Variants in SLC25A43 observed in about 807,000 individuals in gnomAD.
The protein encoded by SLC25A43 is solute carrier family 25 member 43, also known as solute carrier family 25, member 43.
In SLC25A43, 10 loss-of-function variants were observed where a neutral mutation model predicts 22.8. The observed-to-expected ratio is 0.44, with a 90% CI of 0.27 to 0.74. The LOEUF (loss-of-function observed/expected upper bound fraction) is 0.74, where lower values mean the gene tolerates loss of function less well. SLC25A43 is among the 30% of genes least tolerant of loss of function. The pLI is 0.17. For synonymous variants in SLC25A43, 106 were observed against 121.6 expected, an observed-to-expected ratio of 0.87 and a Z score of 0.84; for missense variants, 233 against 279.1, an observed-to-expected ratio of 0.83 and a Z score of 1.18.
At chrX:119,415,957 G>A (rs1222637292) in intron 3 of SLC25A43, among the ~76,000 whole-genome samples, 2 of 97,896 alleles carry the variant, frequency 2.0e-5, no homozygotes, top group Non-Finnish European at 4.0e-5. Context: ...GCGGTGAGCC[G>A]TATTTGTGCC....
chrX:119,415,672 G>A (rs1171621177), intron 3 of SLC25A43, among the ~76,000 whole-genome samples: 5 of 104,032 alleles, frequency 4.8e-5, no homozygotes, highest in East Asian at 6.0e-4. Context: ...TCCAGCCTGG[G>A]CAACAGAGCA....
chrX:119,432,982 C>G (rs985632826), intron 3 of SLC25A43, among the ~76,000 whole-genome samples: 3 of 109,759 alleles, frequency 2.7e-5, no homozygotes, highest in African/African-American at 1.0e-4. Context: ...GTCTGTAATC[C>G]CAGCTACTCG....
chrX:119,449,429 A>AG (rs2052690273), intron 3 of SLC25A43, among the ~76,000 whole-genome samples: 2 of 87,942 alleles, frequency 2.3e-5, no homozygotes, highest in African/African-American at 8.6e-5. Flanking sequence ...AAAAAAAAAA[A>AG]GAAGAAGAAT....
chrX:119,446,993 G>A (rs1291073950), intron 3 of SLC25A43, among the ~76,000 whole-genome samples: 2 of 111,216 alleles, frequency 1.8e-5, no homozygotes, highest in Non-Finnish European at 1.9e-5. Context: ...TCACTCTGTT[G>A]CCCAGGCTGG....
intron 3 of SLC25A43, among the ~76,000 whole-genome samples, chrX:119,426,652 G>A (rs932484527): frequency 5.4e-5 from 6 of 110,406 alleles, no homozygotes; most frequent in Admixed American, 3.9e-4. Context: ...ACGAAACCCC[G>A]TCTCTAATAA....
intron 3 of SLC25A43, among the ~76,000 whole-genome samples, chrX:119,433,154 T>C (rs2052569008): frequency 1.8e-5 from 2 of 111,549 alleles, no homozygotes; most frequent in African/African-American, 6.5e-5. Flanking sequence ...AAACAAGCAG[T>C]ACACAATTGT....
At chrX:119,427,013 A>G (rs1238917209) in intron 3 of SLC25A43, among the ~76,000 whole-genome samples, 1 of 111,386 alleles carries the variant, frequency 9.0e-6, no homozygotes, top group East Asian at 2.8e-4. Context: ...GACAGGCTCC[A>G]TGTGCAAGCA....
intron 1 of SLC25A43, among the ~76,000 whole-genome samples, chrX:119,403,350 C>T (rs2052255214): frequency 9.2e-6 from 1 of 108,608 alleles, no homozygotes; most frequent in Admixed American, 9.9e-5. Flanking sequence ...AGTGCAGTGA[C>T]GCAATCTCGG....
chrX:119,451,422 G>A (rs2052706917), intron 3 of SLC25A43, among the ~76,000 whole-genome samples: 1 of 111,932 alleles, frequency 8.9e-6, no homozygotes, highest in African/African-American at 3.2e-5. Flanking sequence ...AGTCTTCAAT[G>A]AACGTGGAAG....
chrX:119,447,868 C>T (rs1301947414), intron 3 of SLC25A43, among the ~76,000 whole-genome samples: 1 of 110,781 alleles, frequency 9.0e-6, no homozygotes. Flanking sequence ...CTTTAAATAC[C>T]ACCCATGTAC....
chrX:119,453,062 A>G lies in SLC25A43; in HGVS notation c.1023A>G (p.Leu341=), dbSNP rs141003640. The change falls in exon 5 of 5, where the codon CTA becomes CTG. Residue 341 remains leucine, a synonymous_variant. Transcript: ENST00000217909. ...AACCGAAGCCTAAAAAACCAACTCT[A>G]TAAAATGGAATGGAACTAGAAGTGC... ...TRKPKPKKPT[L] is the part of the protein sequence containing the mutation. 5 of 1,188,994 alleles carry G rather than the reference A, an allele frequency of 4.2e-6. No homozygotes were observed. In the African/African-American group the frequency reaches 8.8e-5, roughly 21 times the overall value.
At chrX:119,407,463 G>T (rs754254640) in intron 2 of SLC25A43, among the ~76,000 whole-genome samples, 2 of 111,477 alleles carry the variant, frequency 1.8e-5, no homozygotes, top group Non-Finnish European at 3.8e-5. Flanking sequence ...CCAACTTTTG[G>T]GGGGAAGTAC....
In SLC25A43 at chrX:119,399,459, CTGGGCTGGCGGGGA is replaced by C; in HGVS notation, c.57_70del (p.Gly20AlafsTer76). 1 of 1,051,952 alleles carries C rather than the reference CTGGGCTGGCGGGGA, an allele frequency of 9.5e-7. No homozygotes were observed. Among genetic ancestry groups the C allele is most frequent in the South Asian group, 2.5e-5 (1 of 39,351 alleles). 86.7% of individuals were successfully genotyped at this position (1,051,952 alleles called of 1,213,427 possible). ...ACAGGCGGCCAAAGGCTGCTGTGCG[CTGGGCTGGCGGGGA>C]CGCTCAGCCTCAGCCTCACCGCGCC... is the stretch of plus-strand genomic sequence containing the variant. On this transcript the variant is annotated frameshift_variant, in exon 1 of 5. Transcript: ENST00000217909. LOFTEE classifies it high-confidence loss of function.
At chrX:119,450,863 T>C (rs987907257) in intron 3 of SLC25A43, among the ~76,000 whole-genome samples, 1 of 112,624 alleles carries the variant, frequency 8.9e-6, no homozygotes, top group Non-Finnish European at 1.9e-5. Context: ...GATCGTAAAA[T>C]TATTTTTCTA....
chrX:119,446,151 CAAAAAA>C (rs3078475), intron 3 of SLC25A43, among the ~76,000 whole-genome samples: 1 of 38,721 alleles, frequency 2.6e-5, no homozygotes, highest in Non-Finnish European at 4.2e-5. Flanking sequence ...GACTCCATCT[CAAAAAA>C]AAAAAAAAAA....
chrX:119,412,027 C>A lies in SLC25A43; in HGVS notation c.690+1665C>A, dbSNP rs888026069. 4.5e-5 allele frequency among the ~76,000 whole-genome samples: 5 copies of A among 111,472 alleles called. 1 individual carries two copies. Among genetic ancestry groups the A allele is most frequent in the African/African-American group, 1.6e-4 (5 of 30,685 alleles). On this transcript the variant is annotated intron_variant, in intron 3 of 4. Transcript: ENST00000217909. Reference sequence around the variant, plus strand: ...CTGAATCCAAGTTTAAATGAGCAGTCCCAGCCAAGTTTGGTTTTCCCCTGT... The same window carrying A: ...CTGAATCCAAGTTTAAATGAGCAGTACCAGCCAAGTTTGGTTTTCCCCTGT...
intron 3 of SLC25A43, among the ~76,000 whole-genome samples, chrX:119,450,667 G>T (rs1337996686): frequency 9.0e-6 from 1 of 111,461 alleles, no homozygotes; most frequent in East Asian, 2.8e-4. Context: ...GATAATCTTG[G>T]TTCCATTGCC....
chrX:119,417,183 C>T lies in SLC25A43; in HGVS notation c.690+6821C>T, dbSNP rs2052409480. Among the ~76,000 whole-genome samples the T allele has an allele frequency of 4.6e-5, 5 of 109,664 alleles. No individual in the cohort carries two copies. In the Admixed American group the frequency reaches 4.9e-4, roughly 11 times the overall value. On this transcript the variant is annotated intron_variant, in intron 3 of 4. Coordinates refer to ENST00000217909, the MANE Select transcript of SLC25A43 (RefSeq NM_145305.3). ...CTGTAATCCCAGCACTTTGGGAAGC[C>T]GAGGCGGGTGGATCACCTGAGGTCA...
chrX:119,405,748 C>T (rs1186593565), intron 1 of SLC25A43, among the ~76,000 whole-genome samples: 1 of 110,288 alleles, frequency 9.1e-6, no homozygotes, highest in Non-Finnish European at 1.9e-5. Context: ...TCTGCGTGGG[C>T]GATAGAGTGG....
Sources: gnomAD v4.1 joint callset for allele counts (sites outside exome capture counted in the v4.1 genomes callset) on GRCh38, gnomAD v4.1.1 for gene constraint, MANE v1.5 for transcripts, NCBI Gene and HGNC (gene_info 2026-07-23, HGNC 2026-07-21) for gene names.